KIF6: variants seen among roughly 807,000 people sequenced by gnomAD.
KIF6 encodes kinesin-like protein KIF6.
KIF6 carries 106 observed loss-of-function variants against 112.7 expected under a neutral mutation model. That is an observed-to-expected ratio of 0.94 (90% CI 0.80 to 1.11). The LOEUF (loss-of-function observed/expected upper bound fraction) is 1.11. Among genes scored for constraint, KIF6 ranks in the 50% least tolerant of loss-of-function variants. The pLI is 0.00. For synonymous variants in KIF6, 339 were observed against 339.9 expected (o/e 1.00, Z 0.03); for missense variants, 929 against 964.0 (o/e 0.96, Z 0.48).
intron 16 of KIF6, among the ~76,000 whole-genome samples, chr6:39,377,048 T>A (rs1419425657): frequency 1.3e-5 from 2 of 152,152 alleles, no homozygotes; most frequent in Non-Finnish European, 2.9e-5. Flanking sequence ...TAGAGGATGC[T>A]GGAAGATCCC....
At chr6:39,388,182 C>T (rs986543273) in intron 15 of KIF6, among the ~76,000 whole-genome samples, 19 of 152,174 alleles carry the variant, frequency 1.2e-4, no homozygotes, top group African/African-American at 4.3e-4. Flanking sequence ...GCCTCCAAAC[C>T]CCATGCCTTG....
chr6:39,677,433 A>C (rs567242741), intron 3 of KIF6, among the ~76,000 whole-genome samples: 1 of 152,310 alleles, frequency 6.6e-6, no homozygotes, highest in South Asian at 2.1e-4. Context: ...CCACAAAGTC[A>C]ACAGGTTTGA....
intron 10 of KIF6, among the ~76,000 whole-genome samples, chr6:39,567,632 G>C (rs1333568491): frequency 1.3e-5 from 2 of 150,164 alleles, no homozygotes; most frequent in Admixed American, 6.6e-5. Context: ...TTTTGAGACG[G>C]AGTCTCGCTC....
At chr6:39,694,920 ACTACAAGG>A (rs1788434873) in intron 3 of KIF6, among the ~76,000 whole-genome samples, 1 of 152,200 alleles carries the variant, frequency 6.6e-6, no homozygotes, top group Non-Finnish European at 1.5e-5. Context: ...TTCAAATTAT[ACTACAAGG>A]CTACAGTAAT....
At position 39,342,611 on chromosome 6, in the gene KIF6, A is replaced by G. The variant is rs201195488; in HGVS notation, c.2428+1098T>C. ...TGAATCCAGTTTTTTATTTTTTTTT[A>G]TTTTTTTTTATTTTTTTTTATTTTT... On this transcript the variant is annotated intron_variant, in intron 22 of 22. Transcript: ENST00000287152. The surrounding 1 kb of genome is among the most constrained non-coding windows in gnomAD (Gnocchi z 4.7). 8.3e-5 allele frequency among the ~76,000 whole-genome samples: 7 copies of G among 84,518 alleles called. No individual in the cohort carries two copies. The highest frequency in any genetic ancestry group is 2.9e-4 in the African/African-American group (3 of 10,432). 55.4% of individuals were successfully genotyped at this position (84,518 alleles called of 152,430 possible). A position where few individuals can be genotyped will look rare whatever the true frequency, so the allele number is the denominator to read the frequency against.
chr6:39,578,797 T>C lies in KIF6; in HGVS notation c.1078-638A>G, dbSNP rs540010478. Among the ~76,000 whole-genome samples the C allele has an allele frequency of 2.0e-5, 3 of 152,208 alleles. No individual in the cohort carries two copies. In the South Asian group the frequency reaches 6.2e-4, roughly 31 times the overall value. The stretch of plus-strand genomic sequence containing the variant: ...CCATATGTATGCATGTACTCATAAA[T>C]AATGTAGTGTATCATTTTGCATGCC... On this transcript the variant is annotated intron_variant, in intron 9 of 22. Coordinates refer to ENST00000287152, the MANE Select transcript of KIF6 (RefSeq NM_145027.6).
At chr6:39,626,746 G>T (rs1784115666) in intron 5 of KIF6, among the ~76,000 whole-genome samples, 4 of 152,182 alleles carry the variant, frequency 2.6e-5, no homozygotes, top group Middle Eastern at 3.4e-3. Context: ...CAAACCTCCG[G>T]CATTAGAATC....
chr6:39,685,002 A>G (rs12215360), intron 3 of KIF6, among the ~76,000 whole-genome samples: 56,741 of 151,876 alleles, frequency 0.37, 10,846 homozygotes, highest in East Asian at 0.58. Context: ...CCAGTTGGAG[A>G]GGGTCCAGAA....
intron 13 of KIF6, among the ~76,000 whole-genome samples, chr6:39,457,686 GA>G (rs1229272145): frequency 1.3e-5 from 2 of 151,924 alleles, no homozygotes; most frequent in Non-Finnish European, 2.9e-5. Flanking sequence ...TGATAAAGGG[GA>G]TATCACCACC....
rs145128477 is a variant in KIF6 at position 39,613,197 on chromosome 6, T to C, written c.631A>G (p.Ile211Val). The C allele has an allele frequency of 1.2e-5, 19 of 1,593,254 alleles. No individual in the cohort carries two copies. Among genetic ancestry groups the C allele is most frequent in the Middle Eastern group, 3.4e-4 (2 of 5,956 alleles). The change falls in exon 6 of 23, where the codon ATT (isoleucine) becomes GTT (valine). Residue 211 changes from isoleucine to valine, a missense_variant. Coordinates refer to ENST00000287152, the MANE Select transcript of KIF6 (RefSeq NM_145027.6). The part of the protein sequence containing the change: ...LLFLGDTNRM[I>V]AETPMNQAST... ...AGAGAGAAGTTTATTACCTCTGCAA[T>C]CATTCGGTTGGTGTCTCCTAAAAAA...
intron 13 of KIF6, among the ~76,000 whole-genome samples, chr6:39,488,553 AT>A (rs1775272126): frequency 6.6e-6 from 1 of 152,118 alleles, no homozygotes; most frequent in South Asian, 2.1e-4. Flanking sequence ...AACTGACTGT[AT>A]TGGTCTTGCT....
chr6:39,714,807 C>T, intron 2 of KIF6, 41 bp from the exon 3 acceptor site: 3 of 1,225,246 alleles, frequency 2.4e-6, no homozygotes, highest in Non-Finnish European at 3.6e-6. Context: ...AGCTGCACCT[C>T]CAAACACTAT....
intron 13 of KIF6, among the ~76,000 whole-genome samples, chr6:39,435,118 A>G (rs962832003): frequency 2.6e-5 from 4 of 152,190 alleles, no homozygotes; most frequent in African/African-American, 9.7e-5. Flanking sequence ...CTCTTAGATC[A>G]GTTTTTCCAG....
chr6:39,386,661 T>C (rs1316177363), intron 15 of KIF6, among the ~76,000 whole-genome samples: 1 of 151,624 alleles, frequency 6.6e-6, no homozygotes, highest in Non-Finnish European at 1.5e-5. Flanking sequence ...ATCTGTTGGG[T>C]TGTTAGAGTG....
In KIF6 at chr6:39,540,058, C is replaced by A; in HGVS notation, c.1590G>T (p.Gln530His). Residue 530 changes from glutamine to histidine, a missense_variant, in exon 13 of 23, where the codon CAG becomes CAT. Physicochemically the swap from Gln to His is conservative, Grantham distance 24. Coordinates refer to ENST00000287152, the MANE Select transcript of KIF6 (RefSeq NM_145027.6). ...QRMRLSSAPS[Q>H]AQDFSILGKR... ...TCCCCAAAATGCTGAAGTCCTGGGC[C>A]TGTGAGGGAGCTGAGGATAGTCGCA... is the stretch of plus-strand genomic sequence containing the variant. 6.2e-7 allele frequency: 1 copy of A among 1,613,930 alleles called. No individual in the cohort carries two copies. Among genetic ancestry groups the A allele is most frequent in the Non-Finnish European group, 8.5e-7 (1 of 1,179,976 alleles).
intron 6 of KIF6, among the ~76,000 whole-genome samples, chr6:39,611,967 A>G (rs1372094962): frequency 7.9e-5 from 12 of 152,240 alleles, no homozygotes; most frequent in Admixed American, 7.9e-4. Context: ...GTTTCAAATA[A>G]AAGTAAAAAT....
chr6:39,578,330 T>A (rs942645642), intron 9 of KIF6, among the ~76,000 whole-genome samples, 171 bp from the exon 10 acceptor site: 1 of 52,396 alleles, frequency 1.9e-5, no homozygotes, highest in African/African-American at 2.7e-4. Flanking sequence ...TAGTTCTAGA[T>A]TTTTTTTTTT....
chr6:39,628,286 C>A (rs1206699024), intron 5 of KIF6, among the ~76,000 whole-genome samples: 1 of 151,722 alleles, frequency 6.6e-6, no homozygotes, highest in Admixed American at 6.6e-5. Context: ...TAGTTCTATG[C>A]AATTATCCCA....
At chr6:39,406,768 A>T (rs1769117221) in intron 15 of KIF6, among the ~76,000 whole-genome samples, 1 of 152,080 alleles carries the variant, frequency 6.6e-6, no homozygotes, top group South Asian at 2.1e-4. Context: ...TTGTTTTTGG[A>T]GACAAGTTCT....
Sources: gnomAD v4.1 joint callset for allele counts (sites outside exome capture counted in the v4.1 genomes callset) on GRCh38, gnomAD v4.1.1 for gene constraint, Gnocchi (gnomAD v3.1) non-coding constraint, MANE v1.5 for transcripts, NCBI Gene and HGNC (gene_info 2026-07-23, HGNC 2026-07-21) for gene names.